Variants in COL26A1 observed in about 807,000 individuals in gnomAD.
COL26A1 encodes the protein collagen type XXVI alpha 1 chain, also known as collagen alpha-1(XXVI) chain.
COL26A1 carries 41 observed loss-of-function variants against 59.3 expected under a neutral mutation model. That is an observed-to-expected ratio of 0.69 (90% CI 0.54 to 0.90). The LOEUF is 0.90. Among genes scored for constraint, COL26A1 ranks in the 40% least tolerant of loss-of-function variants. The pLI, the probability that COL26A1 is intolerant of heterozygous loss-of-function variation, is 0.00. For synonymous variants in COL26A1, 266 were observed against 256.0 expected (o/e 1.04, Z -0.37); for missense variants, 612 against 602.3 (o/e 1.02, Z -0.17).
intron 3 of COL26A1, among the ~76,000 whole-genome samples, chr7:101,455,503 CTT>C (rs10690062): frequency 6.0e-5 from 7 of 116,548 alleles, no homozygotes; most frequent in East Asian, 2.3e-4. Flanking sequence ...CTTTTCTTTT[CTT>C]TTTTTTTTTT....
chr7:101,493,386 C>A (rs1350436443), intron 3 of COL26A1, among the ~76,000 whole-genome samples: 2 of 152,098 alleles, frequency 1.3e-5, no homozygotes, highest in Non-Finnish European at 2.9e-5. Context: ...GAAGTCCCCG[C>A]CTCCATGAAG....
At chr7:101,512,102 G>A (rs1277464564) in intron 3 of COL26A1, among the ~76,000 whole-genome samples, 9 of 152,206 alleles carry the variant, frequency 5.9e-5, no homozygotes, top group Non-Finnish European at 8.8e-5. Flanking sequence ...AGAGGGTTTC[G>A]CTGCTGGTGC....
At chr7:101,376,116 T>C (rs12532377) in intron 1 of COL26A1, among the ~76,000 whole-genome samples, 113,860 of 146,998 alleles carry the variant, frequency 0.77, 44,480 homozygotes, top group Middle Eastern at 0.84. Context: ...GCCTTGGCAA[T>C]ATAGCAAGAC....
At position 101,555,808 on chromosome 7, in the gene COL26A1, A is replaced by G. The variant is rs747186717; in HGVS notation, c.1102A>G (p.Arg368Gly). ...TAEGEGVQQL[R>G]EALKILAERV... ...CCAGGGCGAGGGGGTGCAGCAGCTGAGAGAGGCCCTGAAGATCCTGGCAGA... is the reference window on the plus strand; with the variant it reads ...CCAGGGCGAGGGGGTGCAGCAGCTGGGAGAGGCCCTGAAGATCCTGGCAGA... The change falls in exon 12 of 13, where the codon AGA becomes GGA. Residue 368 changes from arginine (R) to glycine (G), a missense_variant. Transcript: ENST00000313669. 1 of 1,611,306 alleles carries G rather than the reference A, an allele frequency of 6.2e-7. No individual in the cohort carries two copies. Among genetic ancestry groups the G allele is most frequent in the Non-Finnish European group, 8.5e-7 (1 of 1,179,110 alleles).
At chr7:101,540,521 A>C (rs899794602) in intron 5 of COL26A1, among the ~76,000 whole-genome samples, 8 of 147,754 alleles carry the variant, frequency 5.4e-5, no homozygotes, top group Non-Finnish European at 1.0e-4. Flanking sequence ...CTGGGGGACA[A>C]GAGCAAAATT....
chr7:101,385,286 A>ATGTGTGTGTATATACGG (rs1791542536), intron 1 of COL26A1, among the ~76,000 whole-genome samples: 1 of 149,800 alleles, frequency 6.7e-6, no homozygotes, highest in Non-Finnish European at 1.5e-5. Context: ...TATATATAGT[A>ATGTGTGTGTATATACGG]TGTGTGTGTA....
chr7:101,418,112 A>G (rs1792421938), intron 1 of COL26A1, among the ~76,000 whole-genome samples: 1 of 151,620 alleles, frequency 6.6e-6, no homozygotes, highest in East Asian at 2.0e-4. Flanking sequence ...CGATTCTCCC[A>G]CCTTGGCCTC....
intron 1 of COL26A1, among the ~76,000 whole-genome samples, chr7:101,378,051 G>A (rs1218981625): frequency 6.6e-6 from 1 of 152,134 alleles, no homozygotes; most frequent in African/African-American, 2.4e-5. Flanking sequence ...GACTACAGGT[G>A]TGCACCAGCA....
chr7:101,414,679 C>T (rs565455155), intron 1 of COL26A1, among the ~76,000 whole-genome samples: 5 of 152,246 alleles, frequency 3.3e-5, no homozygotes, highest in African/African-American at 9.6e-5. Flanking sequence ...TCATGTGATC[C>T]GCCCATCTCG....
At chr7:101,516,246 T>G (rs1795025945) in intron 3 of COL26A1, among the ~76,000 whole-genome samples, 1 of 152,138 alleles carries the variant, frequency 6.6e-6, no homozygotes, top group Admixed American at 6.6e-5. Context: ...GATTTGCTTT[T>G]TTGTTGTTTT....
At chr7:101,537,487 C>T (rs113489564) in intron 4 of COL26A1, among the ~76,000 whole-genome samples, 3,323 of 152,314 alleles carry the variant, frequency 0.022, 124 homozygotes, top group African/African-American at 0.076. Context: ...GCTGCCCACC[C>T]GGGTGAGCTC....
At chr7:101,496,624 G>A (rs1387446817) in intron 3 of COL26A1, among the ~76,000 whole-genome samples, 9 of 152,120 alleles carry the variant, frequency 5.9e-5, no homozygotes, top group African/African-American at 1.4e-4. Flanking sequence ...GGACAGGGGC[G>A]GTGGCTCACC....
chr7:101,432,038 G>C (rs1792795823), intron 2 of COL26A1, among the ~76,000 whole-genome samples: 1 of 147,642 alleles, frequency 6.8e-6, no homozygotes, highest in Admixed American at 6.9e-5. Context: ...TTGGCTCACT[G>C]TAACAGTTGC....
chr7:101,486,949 C>T (rs964346260), intron 3 of COL26A1, among the ~76,000 whole-genome samples: 23 of 152,186 alleles, frequency 1.5e-4, no homozygotes, highest in Admixed American at 3.9e-4. Flanking sequence ...AGACAGGCAC[C>T]GGGAACCCGG....
chr7:101,410,205 T>C (rs896400647), intron 1 of COL26A1, among the ~76,000 whole-genome samples: 3 of 152,188 alleles, frequency 2.0e-5, no homozygotes, highest in Non-Finnish European at 4.4e-5. Context: ...CATGGATTGC[T>C]GGGCCAGCTG....
intron 3 of COL26A1, among the ~76,000 whole-genome samples, chr7:101,524,215 G>C (rs1795194369): frequency 6.6e-6 from 1 of 150,922 alleles, no homozygotes; most frequent in Non-Finnish European, 1.5e-5. Flanking sequence ...AGGTTGCAGT[G>C]AGCTAAGATG....
chr7:101,507,570 C>A (rs565091757), intron 3 of COL26A1, among the ~76,000 whole-genome samples: 27 of 152,196 alleles, frequency 1.8e-4, no homozygotes, highest in African/African-American at 6.5e-4. Flanking sequence ...CACAGGCACA[C>A]GCCACCATGC....
At chr7:101,432,476 T>C (rs1191410951) in intron 2 of COL26A1, among the ~76,000 whole-genome samples, 1 of 148,610 alleles carries the variant, frequency 6.7e-6, no homozygotes, top group Non-Finnish European at 1.5e-5. Context: ...GCTTGAGCAG[T>C]TGGCTGGCAG....
chr7:101,399,266 A>G (rs995338834), intron 1 of COL26A1, among the ~76,000 whole-genome samples: 4 of 152,154 alleles, frequency 2.6e-5, no homozygotes, highest in African/African-American at 9.7e-5. Context: ...TAATTGTGCC[A>G]CTGTACTCCA....
Sources: allele counts gnomAD v4.1 joint callset (sites outside exome capture counted in the v4.1 genomes callset), GRCh38; gene constraint gnomAD v4.1.1; transcripts MANE v1.5; gene names NCBI Gene and HGNC (gene_info 2026-07-23, HGNC 2026-07-21).